GMEB1: variants seen among roughly 807,000 people sequenced by gnomAD.
GMEB1 encodes glucocorticoid modulatory element-binding protein 1.
In GMEB1, 6 loss-of-function variants were observed where a neutral mutation model predicts 52.4. The observed-to-expected ratio is 0.11, with a 90% CI of 0.06 to 0.23. GMEB1 has a LOEUF of 0.23. Ranked by LOEUF, GMEB1 falls within the 10% of genes least tolerant of loss-of-function variation. The pLI is 1.00. For synonymous variants in GMEB1, 255 were observed against 244.9 expected (o/e 1.04, Z -0.38); for missense variants, 486 against 685.6 (o/e 0.71, Z 3.25).
At chr1:28,711,454 G>A (rs1671058717) in intron 9 of GMEB1, among the ~76,000 whole-genome samples, 1 of 151,482 alleles carries the variant, frequency 6.6e-6, no homozygotes, top group Non-Finnish European at 1.5e-5. Context: ...TTTTCTTTTT[G>A]TTTGTTTATT....
chr1:28,717,929 C>T lies in GMEB1; in HGVS notation c.*3156C>T, dbSNP rs1671314636. The stretch of plus-strand genomic sequence containing the variant: ...TCATGCTTCCAATGTCAAGAGATTT[C>T]CTCAAACAGCCTGTTTACTAGATGA... On this transcript the variant is annotated 3_prime_UTR_variant, in exon 10 of 10. Transcript: ENST00000373816. 6.6e-6 allele frequency: 1 copy of T among 152,134 alleles called. No individual in the cohort carries two copies. Among genetic ancestry groups the T allele is most frequent in the Admixed American group, 6.6e-5 (1 of 15,254 alleles). 9.4% of individuals were successfully genotyped at this position (152,134 alleles called of 1,614,324 possible).
intron 8 of GMEB1, among the ~76,000 whole-genome samples, chr1:28,710,008 G>A (rs569645014): frequency 1.3e-5 from 2 of 152,078 alleles, no homozygotes; most frequent in Admixed American, 1.3e-4. Context: ...TTAGGCAGGC[G>A]TGGTGGCAGG....
chr1:28,699,906 C>G (rs1670411326), intron 6 of GMEB1, among the ~76,000 whole-genome samples: 1 of 151,176 alleles, frequency 6.6e-6, no homozygotes, highest in South Asian at 2.1e-4. Flanking sequence ...GAAAACCCAT[C>G]TCTACAAAAA....
intron 2 of GMEB1, among the ~76,000 whole-genome samples, chr1:28,686,863 C>G (rs1669670400): frequency 6.6e-6 from 1 of 152,044 alleles, no homozygotes; most frequent in South Asian, 2.1e-4. Context: ...AAGCCATAAT[C>G]TGTGCACTTG....
rs1205011593 is a variant in GMEB1, at chr1:28,677,264, C to CT, written c.-30-6309dup. Among the ~76,000 whole-genome samples the CT allele has an allele frequency of 7.0e-4, 101 of 144,542 alleles. 1 individual carries two copies. Among genetic ancestry groups the CT allele is most frequent in the Admixed American group, 1.7e-3 (24 of 14,504 alleles). The allele number at this position is 144,542 out of a possible 152,430, so 94.8% of individuals were successfully genotyped here. The stretch of plus-strand genomic sequence containing the variant: ...ATGCATAATCTGTAATTTTTTTTTT[C>CT]TTTTTTTTTTGGAGATGGAGTATTG... On this transcript the variant is annotated intron_variant, in intron 1 of 9. Transcript: ENST00000373816.
In GMEB1 at chr1:28,711,426, T is replaced by G. The variant is rs188312165; in HGVS notation, c.991+784T>G. Among the ~76,000 whole-genome samples the G allele has an allele frequency of 2.6e-5, 4 of 152,286 alleles. No homozygotes were observed. In the East Asian group the frequency reaches 7.7e-4, roughly 29 times the overall value. ...ATACATAAAGTTTTGTTTTCTGCTTTTTTTCACCATGACATATTTTTCTTT... is the reference window on the plus strand; with the variant it reads ...ATACATAAAGTTTTGTTTTCTGCTTGTTTTCACCATGACATATTTTTCTTT... On this transcript the variant is annotated intron_variant, in intron 9 of 9. Transcript: ENST00000373816.
chr1:28,701,572 G>A (rs1185976488), intron 6 of GMEB1, among the ~76,000 whole-genome samples: 3 of 150,906 alleles, frequency 2.0e-5, no homozygotes, highest in Non-Finnish European at 3.0e-5. Flanking sequence ...CTGGCCAAAA[G>A]CTTTCTTGTT....
intron 9 of GMEB1, among the ~76,000 whole-genome samples, chr1:28,712,184 A>G (rs1422816019): frequency 6.6e-6 from 1 of 152,164 alleles, no homozygotes; most frequent in Admixed American, 6.6e-5. Flanking sequence ...GTTATTACAG[A>G]GGATACAGAT....
At chr1:28,707,329 T>TAA (rs770843841) in intron 8 of GMEB1, among the ~76,000 whole-genome samples, 1 of 152,042 alleles carries the variant, frequency 6.6e-6, no homozygotes, top group Non-Finnish European at 1.5e-5. Context: ...TTTGTATTTT[T>TAA]AAGAGATTGT....
intron 1 of GMEB1, among the ~76,000 whole-genome samples, chr1:28,677,253 AT>A (rs910917113): frequency 1.1e-3 from 169 of 149,378 alleles, no homozygotes; most frequent in African/African-American, 3.3e-3. Context: ...ATAATCTGTA[AT>A]TTTTTTTTTC....
intron 8 of GMEB1, among the ~76,000 whole-genome samples, chr1:28,708,378 A>G (rs1670879717): frequency 6.6e-6 from 1 of 151,134 alleles, no homozygotes; most frequent in Non-Finnish European, 1.5e-5. Flanking sequence ...GTTAGCCAGG[A>G]TGGTCTCGAT....
At chr1:28,672,512 C>A (rs1328980031) in intron 1 of GMEB1, among the ~76,000 whole-genome samples, 1 of 151,592 alleles carries the variant, frequency 6.6e-6, no homozygotes, top group African/African-American at 2.4e-5. Flanking sequence ...CTTGAGCCAC[C>A]ACGCCCGGCC....
At chr1:28,693,657 C>T (rs1196606666) in intron 5 of GMEB1, among the ~76,000 whole-genome samples, 4 of 151,978 alleles carry the variant, frequency 2.6e-5, no homozygotes, top group African/African-American at 9.7e-5. Flanking sequence ...TTCACCATCT[C>T]GGCCAGGCTG....
Position 28,690,201 on chromosome 1 carries a change from GTGTTTT to G in GMEB1, c.211+17_211+22del. On this transcript the variant is annotated intron_variant, in intron 3 of 9. Coordinates refer to ENST00000373816, the MANE Select transcript of GMEB1 (RefSeq NM_001319674.2). ...AGAAGGGATTGGTAAGGGTTTTTTTGTGTTTTTTTTTTTTTTTTTTTTTGTCATTCT... is the reference window on the plus strand; with the variant it reads ...AGAAGGGATTGGTAAGGGTTTTTTTGTTTTTTTTTTTTTTTTTGTCATTCT... The G allele has an allele frequency of 1.7e-6, 1 of 582,840 alleles. No individual in the cohort carries two copies. The highest frequency in any genetic ancestry group is 3.2e-5 in the African/African-American group (1 of 31,450). 36.1% of individuals were successfully genotyped at this position (582,840 alleles called of 1,614,324 possible). A position where few individuals can be genotyped will look rare whatever the true frequency, so the allele number is the denominator to read the frequency against.
At chr1:28,684,973 AGTTTTTGTAGAGATAGGG>A (rs1669571154) in intron 2 of GMEB1, among the ~76,000 whole-genome samples, 1 of 152,146 alleles carries the variant, frequency 6.6e-6, no homozygotes, top group Non-Finnish European at 1.5e-5. Context: ...TGACTTTTTT[AGTTTTTGTAGAGATAGGG>A]GTCTTGCTTT....
At chr1:28,675,679 CAAA>C (rs11316891) in intron 1 of GMEB1, among the ~76,000 whole-genome samples, 13 of 100,132 alleles carry the variant, frequency 1.3e-4, no homozygotes, top group Admixed American at 2.9e-4. Flanking sequence ...GACTCTGTCT[CAAA>C]AAAAAAAAAA....
intron 5 of GMEB1, among the ~76,000 whole-genome samples, chr1:28,693,445 G>A (rs1400460540): frequency 3.3e-5 from 5 of 151,614 alleles, no homozygotes; most frequent in Admixed American, 6.6e-5. Flanking sequence ...TCTTAAACTC[G>A]TGACCTCATG....
In GMEB1 at chr1:28,702,457, C is replaced by T; in HGVS notation, c.618C>T (p.Ala206=). 6.2e-7 allele frequency: 1 copy of T among 1,613,530 alleles called. No homozygotes were observed. ...TSADGSITQI[A]ISEESMEEAG... ...TTTTAGGTAGCATCACGCAGATTGC[C>T]ATCTCAGAAGAGAGCATGGAAGAGG... Residue 206 remains alanine, a synonymous_variant, in exon 7 of 10, where the codon GCC becomes GCT. Transcript: ENST00000373816.
chr1:28,694,961 C>CTTT (rs556692778), intron 5 of GMEB1, among the ~76,000 whole-genome samples: 8 of 105,494 alleles, frequency 7.6e-5, no homozygotes, highest in African/African-American at 1.2e-4. Context: ...CGTGGCCAGC[C>CTTT]TTTTTTTTTT....
Sources: gnomAD v4.1 joint callset for allele counts (sites outside exome capture counted in the v4.1 genomes callset) on GRCh38, gnomAD v4.1.1 for gene constraint, MANE v1.5 for transcripts, NCBI Gene and HGNC (gene_info 2026-07-23, HGNC 2026-07-21) for gene names.